Variants in RTEL1 observed in about 807,000 individuals in gnomAD.
RTEL1 encodes the protein regulator of telomere length.
In RTEL1, 86 loss-of-function variants were observed where a neutral mutation model predicts 162.2. The observed-to-expected ratio is 0.53, with a 90% confidence interval of 0.45 to 0.63. The LOEUF (loss-of-function observed/expected upper bound fraction) is 0.63, where lower values mean the gene tolerates loss of function less well. Ranked by LOEUF, RTEL1 falls within the 30% of genes least tolerant of loss-of-function variation. The pLI, the probability that RTEL1 is intolerant of heterozygous loss-of-function variation, is 0.00. For missense variants in RTEL1, 1,941 were observed against 1,750.2 expected (o/e 1.11, Z -1.95); for synonymous variants, 958 against 717.9 (o/e 1.33, Z -5.35).
In RTEL1 at chr20:63,695,937, C is replaced by T. The variant is rs1377815309; in HGVS notation, c.*79C>T. 1 of 1,406,852 alleles carries T rather than the reference C, an allele frequency of 7.1e-7. No individual in the cohort carries two copies. Among genetic ancestry groups the T allele is most frequent in the Non-Finnish European group, 9.7e-7 (1 of 1,030,274 alleles). The allele number at this position is 1,406,852 out of a possible 1,614,324, so 87.1% of individuals were successfully genotyped here. A position where few individuals can be genotyped will look rare whatever the true frequency, so the allele number is the denominator to read the frequency against. On this transcript the variant is annotated 3_prime_UTR_variant, in exon 35 of 35. Transcript: ENST00000360203. ...AGCTCTGGTGGGCCAAGAACCCACC[C>T]AACAGAATAGGCCAGCCCATGCCAG...
intron 10 of RTEL1, among the ~76,000 whole-genome samples, chr20:63,677,082 C>T (rs1265708211): frequency 2.4e-5 from 3 of 127,186 alleles, no homozygotes; most frequent in Admixed American, 7.7e-5. Flanking sequence ...GTGTCCTGAC[C>T]CCGGCGGTTG....
At chr20:63,685,038 C>T (rs999232350) in intron 14 of RTEL1, among the ~76,000 whole-genome samples, 39 of 150,292 alleles carry the variant, frequency 2.6e-4, no homozygotes, top group African/African-American at 7.6e-4. Flanking sequence ...CCACCATGCC[C>T]GGCTAGGTTT....
chr20:63,667,609 T>C, intron 8 of RTEL1, 56 bp downstream of exon 8: 5 of 1,399,546 alleles, frequency 3.6e-6, no homozygotes, highest in African/African-American at 2.8e-5. Flanking sequence ...GTCCCTGGGC[T>C]TGGGAACAGC....
rs1171389682 is a variant in RTEL1, at chr20:63,693,008, C to T, written c.2851+5C>T. 10 of 1,612,354 alleles carry T rather than the reference C, an allele frequency of 6.2e-6. No individual in the cohort carries two copies. The highest frequency in any genetic ancestry group is 1.7e-5 in the Admixed American group (1 of 59,994). On this transcript the variant is annotated splice_donor_5th_base_variant and intron_variant, in intron 29 of 34. Coordinates refer to ENST00000360203, the MANE Select transcript of RTEL1 (RefSeq NM_001283009.2). ...AGAAGCACAACCTGCTCCAAGGTGC[C>T]CTGGCTTGCAGAGGCCACCCACCCT...
intron 6 of RTEL1, among the ~76,000 whole-genome samples, chr20:63,663,158 A>G (rs918003620): frequency 6.6e-6 from 1 of 152,130 alleles, no homozygotes; most frequent in Non-Finnish European, 1.5e-5. Context: ...CCATTTCCTG[A>G]TGAGAGGGTC....
intron 13 of RTEL1, 118 bp from the exon 14 acceptor site, chr20:63,680,546 T>A (rs1219041362): frequency 9.2e-7 from 1 of 1,083,072 alleles, no homozygotes; most frequent in Non-Finnish European, 1.4e-6. Flanking sequence ...GGGCCCCCCA[T>A]TGGGCAGGAG....
chr20:63,661,682 A>T lies in RTEL1; in HGVS notation c.302-168A>T. The T allele has an allele frequency of 2.3e-6, 2 of 870,920 alleles. No homozygotes were observed. Among genetic ancestry groups the T allele is most frequent in the South Asian group, 3.4e-5 (2 of 59,246 alleles). The allele number at this position is 870,920 out of a possible 1,614,324, so 53.9% of individuals were successfully genotyped here. On this transcript the variant is annotated intron_variant, in intron 3 of 34. Transcript: ENST00000360203. This position sits in a 1 kb window ranked among gnomAD's most constrained non-coding sequence, Gnocchi z 5.1. ...AACCTAGGGTTGGGCTTTTTTGCTG[A>T]ATTAGGGCACGGCAGATGCCCACTT...
rs910392571 is a variant in RTEL1 at position 63,661,408 on chromosome 20, G to A, written c.213G>A (p.Lys71=). Residue 71 remains lysine (K), a synonymous_variant, in exon 3 of 35, where the codon AAG becomes AAA. Transcript: ENST00000360203. The surrounding 1 kb of genome is among the most constrained non-coding windows in gnomAD (Gnocchi z 5.1). ...TCCGAGACGGCATCTCTGCCCGCAA[G>A]ATTGCCGAGAGGGCGCAAGGAGAGC... ...EHLRDGISAR[K]IAERAQGELF... is the part of the protein sequence containing the mutation. 1.2e-6 allele frequency: 2 copies of A among 1,613,876 alleles called. No individual in the cohort carries two copies. The highest frequency in any genetic ancestry group is 1.7e-6 in the Non-Finnish European group (2 of 1,180,048).
At chr20:63,671,479 ATGTGTGAAATT>A (rs959932330) in intron 8 of RTEL1, among the ~76,000 whole-genome samples, 3 of 151,626 alleles carry the variant, frequency 2.0e-5, no homozygotes, top group Non-Finnish European at 4.4e-5. Context: ...GAACATCTTA[ATGTGTGAAATT>A]TTTTTTTTTG....
chr20:63,659,543 G>A (rs1283029089), intron 2 of RTEL1, 39 bp downstream of exon 2: 2 of 1,480,896 alleles, frequency 1.4e-6, no homozygotes, highest in Non-Finnish European at 1.9e-6. Context: ...GCGGGTGGGT[G>A]GAGCTTCAGC....
At chr20:63,687,139 C>G (rs1006627656) in intron 16 of RTEL1, 3 of 155,202 alleles carry the variant, frequency 1.9e-5, no homozygotes, top group African/African-American at 7.2e-5. Flanking sequence ...CGGTCAAGCC[C>G]TTCTAGGAAC....
chr20:63,669,343 G>A (rs1431574200), intron 8 of RTEL1, among the ~76,000 whole-genome samples: 1 of 152,198 alleles, frequency 6.6e-6, no homozygotes, highest in East Asian at 1.9e-4. Flanking sequence ...GAACATGGGG[G>A]AGGTCTTTGC....
In RTEL1 at chr20:63,661,528, C is replaced by T. The variant is rs772749195; in HGVS notation, c.301+32C>T. On this transcript the variant is annotated intron_variant, in intron 3 of 34. Transcript: ENST00000360203. This position sits in a 1 kb window ranked among gnomAD's most constrained non-coding sequence, Gnocchi z 5.1. Reference sequence around the variant, plus strand: ...CTAGTTCCCAGGCCTCTCCTGGCCTCCTGTGGGGATGGTTGGCAAGGGATG... The same window carrying T: ...CTAGTTCCCAGGCCTCTCCTGGCCTTCTGTGGGGATGGTTGGCAAGGGATG... 10 of 1,590,862 alleles carry T rather than the reference C, an allele frequency of 6.3e-6. No individual in the cohort carries two copies. Among genetic ancestry groups the T allele is most frequent in the African/African-American group, 1.3e-5 (1 of 74,694 alleles).
At chr20:63,694,561 G>C (rs1162350899) in intron 31 of RTEL1, 73 bp downstream of exon 31, 1 of 1,356,420 alleles carries the variant, frequency 7.4e-7, no homozygotes, top group African/African-American at 1.4e-5. Flanking sequence ...GCTAACTCTT[G>C]AGTGTGGCCG....
rs775247733 is a variant in RTEL1 at position 63,667,439 on chromosome 20, T to G, written c.615-30T>G. The G allele has an allele frequency of 5.1e-6, 8 of 1,575,818 alleles. No individual in the cohort carries two copies. The South Asian group carries it at 8.9e-5, about 17-fold the overall frequency. On this transcript the variant is annotated intron_variant, in intron 7 of 34. Transcript: ENST00000360203. ...GGGCACCGTCCCCTGCATGGGGTGC[T>G]CACAGGATCTTCTCCTCTCTCCTTC...
intron 29 of RTEL1, 50 bp from the exon 30 acceptor site, chr20:63,693,093 T>A (rs1171609182): frequency 1.2e-6 from 2 of 1,611,676 alleles, no homozygotes; most frequent in East Asian, 4.5e-5. Context: ...GTGGTCTCTG[T>A]TCTCTAGAGA....
intron 24 of RTEL1, 106 bp downstream of exon 24, chr20:63,689,971 C>G (rs534838568): frequency 2.3e-5 from 36 of 1,552,504 alleles, no homozygotes; most frequent in Admixed American, 6.9e-5. Context: ...TCCAGAGCCT[C>G]TCCGGCTACT....
chr20:63,662,628 G>A lies in RTEL1; in HGVS notation c.477+1G>A. ...GAAACAAGAGAGTAACCATCTACAG[G>A]TAGGCTCCTGGGCTCCCGCTCCGGC... On this transcript the variant is annotated splice_donor_variant, in intron 5 of 34. Transcript: ENST00000360203. LOFTEE classifies it high-confidence loss of function. 1 of 1,613,850 alleles carries A rather than the reference G, an allele frequency of 6.2e-7. No homozygotes were observed. The highest frequency in any genetic ancestry group is 8.5e-7 in the Non-Finnish European group (1 of 1,179,910).
intron 4 of RTEL1, among the ~76,000 whole-genome samples, chr20:63,662,190 G>A (rs942968714): frequency 5.3e-5 from 8 of 152,170 alleles, no homozygotes; most frequent in Non-Finnish European, 1.0e-4. Flanking sequence ...TGAGCTCCTC[G>A]CAGGTGCTGT....
Sources: gnomAD v4.1 joint callset for allele counts (sites outside exome capture counted in the v4.1 genomes callset) on GRCh38, gnomAD v4.1.1 for gene constraint, Gnocchi (gnomAD v3.1) non-coding constraint, MANE v1.5 for transcripts, NCBI Gene and HGNC (gene_info 2026-07-23, HGNC 2026-07-21) for gene names.